The following DIP2C variants were observed in gnomAD, a reference collection of about 807,000 sequenced individuals.
DIP2C encodes the protein DIP2 acetate--CoA ligase C (putative).
A neutral mutation model predicts 192.4 loss-of-function variants in DIP2C; 33 were observed. The observed-to-expected ratio is 0.17, with a 90% CI of 0.13 to 0.23. The LOEUF is 0.23. Ranked by LOEUF, DIP2C falls within the 10% of genes least tolerant of loss-of-function variation. The probability of loss-of-function intolerance (pLI) is 1.00; values close to 1 mark genes in which losing one functional copy is unlikely to be tolerated. For synonymous variants in DIP2C, 979 were observed against 864.1 expected (o/e 1.13, Z -2.33); for missense variants, 1,537 against 2,110.1 (o/e 0.73, Z 5.32).
At chr10:521,331 T>G in intron 1 of DIP2C, among the ~76,000 whole-genome samples, 1 of 152,104 alleles carries the variant, frequency 6.6e-6, no homozygotes, top group Admixed American at 6.5e-5. Flanking sequence ...AGCCTGTGGA[T>G]TCTGAGGTGC....
At chr10:309,346 C>T (rs909877006) in intron 32 of DIP2C, among the ~76,000 whole-genome samples, 1 of 152,070 alleles carries the variant, frequency 6.6e-6, no homozygotes, top group South Asian at 2.1e-4. Context: ...GGTAACCTGA[C>T]CCCTAACCCC....
At chr10:615,228 A>T (rs1398473504) in intron 1 of DIP2C, among the ~76,000 whole-genome samples, 1 of 152,192 alleles carries the variant, frequency 6.6e-6, no homozygotes, top group East Asian at 1.9e-4. Flanking sequence ...ACGATCGGGG[A>T]AGAAATGAGA....
intron 1 of DIP2C, among the ~76,000 whole-genome samples, chr10:499,428 C>G (rs1196176847): frequency 6.6e-6 from 1 of 152,214 alleles, no homozygotes; most frequent in African/African-American, 2.4e-5. Context: ...GATTGACTCA[C>G]AGTTACACAT....
chr10:612,015 G>T (rs1027178422), intron 1 of DIP2C, among the ~76,000 whole-genome samples: 7 of 152,116 alleles, frequency 4.6e-5, no homozygotes, highest in African/African-American at 1.7e-4. Flanking sequence ...AATAACCCAG[G>T]ACGGGTGCGG....
At chr10:556,816 T>C (rs1848901382) in intron 1 of DIP2C, among the ~76,000 whole-genome samples, 1 of 152,064 alleles carries the variant, frequency 6.6e-6, no homozygotes, top group Admixed American at 6.5e-5. Context: ...GTGCCTTGAG[T>C]CACAGAGAGG....
chr10:574,616 C>A (rs1022541060), intron 1 of DIP2C, among the ~76,000 whole-genome samples: 4 of 152,218 alleles, frequency 2.6e-5, no homozygotes, highest in Non-Finnish European at 5.9e-5. Flanking sequence ...GAAACATACT[C>A]AAGAGACCCT....
chr10:598,165 G>A (rs763950704), intron 1 of DIP2C, among the ~76,000 whole-genome samples: 5 of 152,216 alleles, frequency 3.3e-5, no homozygotes, highest in Non-Finnish European at 7.3e-5. Flanking sequence ...CACCAGGGAT[G>A]GAGCAGCACT....
intron 1 of DIP2C, among the ~76,000 whole-genome samples, chr10:588,954 A>G (rs528970790): frequency 5.3e-5 from 8 of 152,304 alleles, no homozygotes; most frequent in African/African-American, 1.9e-4. Context: ...GCTGAACCGC[A>G]GCATCACACA....
chr10:399,311 G>C, intron 9 of DIP2C, 92 bp from the exon 10 acceptor site: 2 of 900,880 alleles, frequency 2.2e-6, no homozygotes, highest in South Asian at 2.8e-5. Context: ...GAGAGGGCAC[G>C]CTTCAGTGAG....
intron 2 of DIP2C, among the ~76,000 whole-genome samples, chr10:477,784 GAGAA>G (rs1037405695): frequency 7.3e-6 from 1 of 136,912 alleles, no homozygotes; most frequent in Admixed American, 7.4e-5. Flanking sequence ...AAGAAGGAGA[GAGAA>G]AGAAGGGAAG....
Position 344,885 on chromosome 10 carries a change from C to A in DIP2C, c.3377G>T (p.Cys1126Phe). The change falls in exon 28 of 37, where the codon TGC (cysteine) becomes TTC (phenylalanine). Residue 1126 changes from cysteine to phenylalanine, a missense_variant. Cys to Phe is a radical substitution (Grantham distance 205). Transcript: ENST00000280886. ...AAGAGTGTCTGGGTTGCAAGGTTTG[C>A]AGATCTGGGCAGGCCGCTTCTTTGG... ...DLPKKRPAQI[C>F]KPCNPDTLAY... is the part of the protein sequence containing the mutation. 1 of 1,607,390 alleles carries A rather than the reference C, an allele frequency of 6.2e-7. No individual in the cohort carries two copies. Among genetic ancestry groups the A allele is most frequent in the South Asian group, 1.1e-5 (1 of 89,546 alleles).
intron 16 of DIP2C, 65 bp downstream of exon 16, chr10:383,961 AC>A (rs1962619061): frequency 8.2e-7 from 1 of 1,222,594 alleles, no homozygotes; most frequent in Non-Finnish European, 1.0e-6. Context: ...TGCCTGCCTC[AC>A]GAAAAAAAAA....
chr10:320,503 C>G (rs1055763859), intron 31 of DIP2C, among the ~76,000 whole-genome samples: 4 of 139,704 alleles, frequency 2.9e-5, no homozygotes, highest in African/African-American at 1.1e-4. Context: ...AGCAAGACTC[C>G]GTCTCAAAAA....
chr10:364,933 G>A (rs1448704631), intron 19 of DIP2C: 16 of 540,830 alleles, frequency 3.0e-5, no homozygotes, highest in Non-Finnish European at 5.5e-5. Flanking sequence ...GACGAGTGAA[G>A]AGTCAAGGTA....
At chr10:408,652 A>C (rs1287964621) in intron 9 of DIP2C, among the ~76,000 whole-genome samples, 1 of 152,204 alleles carries the variant, frequency 6.6e-6, no homozygotes. Context: ...TCTACACATA[A>C]ATGCAAGAAA....
chr10:602,954 G>A (rs1304756821), intron 1 of DIP2C, among the ~76,000 whole-genome samples: 1 of 152,120 alleles, frequency 6.6e-6, no homozygotes, highest in East Asian at 1.9e-4. Context: ...CACCGGAGCC[G>A]TTGGGGGAGG....
At chr10:443,975 T>TAC (rs1421578610) in intron 3 of DIP2C, among the ~76,000 whole-genome samples, 18 of 152,342 alleles carry the variant, frequency 1.2e-4, no homozygotes, top group African/African-American at 4.3e-4. Flanking sequence ...ATCTACCTAT[T>TAC]ACCCTGATCA....
At chr10:615,148 GGA>G (rs1375638694) in intron 1 of DIP2C, among the ~76,000 whole-genome samples, 11 of 152,214 alleles carry the variant, frequency 7.2e-5, no homozygotes, top group Non-Finnish European at 7.3e-5. Context: ...GACACTTCTC[GGA>G]GAGAGACACA....
At chr10:596,551 C>G (rs1423640697) in intron 1 of DIP2C, among the ~76,000 whole-genome samples, 2 of 140,394 alleles carry the variant, frequency 1.4e-5, no homozygotes, top group Non-Finnish European at 3.1e-5. Flanking sequence ...TTCCAATGAA[C>G]CTATCATTCT....
Sources: allele counts gnomAD v4.1 joint callset (sites outside exome capture counted in the v4.1 genomes callset), GRCh38; gene constraint gnomAD v4.1.1; transcripts MANE v1.5; gene names NCBI Gene and HGNC (gene_info 2026-07-23, HGNC 2026-07-21).